The following FNBP4 variants were observed in gnomAD, a reference collection of about 807,000 sequenced individuals.
FNBP4 encodes formin binding protein 4.
A neutral mutation model predicts 119.3 loss-of-function variants in FNBP4; 34 were observed. That is an observed-to-expected ratio of 0.28 (90% CI 0.22 to 0.38). FNBP4 has a LOEUF of 0.38. FNBP4 is among the 10% of genes least tolerant of loss of function. FNBP4 has a pLI of 1.00. For missense variants in FNBP4, 1,112 were observed against 1,228.9 expected (o/e 0.90, Z 1.42); for synonymous variants, 462 against 430.6 (o/e 1.07, Z -0.90).
chr11:47,762,494 T>C (rs2097637739), intron 2 of FNBP4, among the ~76,000 whole-genome samples: 1 of 151,958 alleles, frequency 6.6e-6, no homozygotes, highest in Non-Finnish European at 1.5e-5. Flanking sequence ...AGTGGCATGA[T>C]CATATATAGC....
At chr11:47,743,354 G>A (rs78261087) in intron 8 of FNBP4, among the ~76,000 whole-genome samples, 2,986 of 152,122 alleles carry the variant, frequency 0.02, 37 homozygotes, top group African/African-American at 0.029. Flanking sequence ...GCGGTGGCAG[G>A]CACCTATAAT....
chr11:47,757,072 C>T (rs370691474), intron 2 of FNBP4, among the ~76,000 whole-genome samples: 16 of 152,182 alleles, frequency 1.1e-4, no homozygotes, highest in Non-Finnish European at 1.9e-4. Context: ...GTAATGGGAT[C>T]GCTGGGTCAA....
At chr11:47,761,674 T>C (rs1241120681) in intron 2 of FNBP4, among the ~76,000 whole-genome samples, 1 of 151,852 alleles carries the variant, frequency 6.6e-6, no homozygotes, top group Admixed American at 6.6e-5. Flanking sequence ...TCCTAGCATT[T>C]TGGGAGGCCA....
chr11:47,756,935 A>C (rs937399185), intron 2 of FNBP4, among the ~76,000 whole-genome samples: 3 of 152,196 alleles, frequency 2.0e-5, no homozygotes, highest in African/African-American at 7.2e-5. Context: ...TTCTTAATCC[A>C]GTCTATCATT....
At chr11:47,725,787 T>C (rs1455159589) in intron 12 of FNBP4, 1 of 983,390 alleles carries the variant, frequency 1.0e-6, no homozygotes. Flanking sequence ...TTTCACAATA[T>C]ATGGGACTAT....
chr11:47,758,864 A>G lies in FNBP4; in HGVS notation c.314-4200T>C, dbSNP rs114838122. 7.2e-3 allele frequency among the ~76,000 whole-genome samples: 1,093 copies of G among 151,756 alleles called. 13 individuals carry two copies. The highest frequency in any genetic ancestry group is 0.025 in the African/African-American group (1,052 of 41,408). Reference sequence around the variant, plus strand: ...CAGGGCGAGACTCCGTCTAAAAAAAAGCGGGGGGGAAAAGAGAGAGAAATT... The same window carrying G: ...CAGGGCGAGACTCCGTCTAAAAAAAGGCGGGGGGGAAAAGAGAGAGAAATT... On this transcript the variant is annotated intron_variant, in intron 2 of 16. Transcript: ENST00000263773.
intron 16 of FNBP4, among the ~76,000 whole-genome samples, chr11:47,718,713 T>C (rs2097552178): frequency 6.6e-6 from 1 of 152,178 alleles, no homozygotes; most frequent in East Asian, 1.9e-4. Flanking sequence ...TGATGAACAG[T>C]GAGTTGCAGT....
chr11:47,737,807 C>T (rs1037451190), intron 8 of FNBP4, among the ~76,000 whole-genome samples: 4 of 151,750 alleles, frequency 2.6e-5, no homozygotes, highest in Non-Finnish European at 2.9e-5. Flanking sequence ...AGTACAGTGG[C>T]GTGATCTTAG....
rs773461754 is a variant in FNBP4, at chr11:47,733,977, T to TAAAA, written c.1686+47_1686+48insTTTT. On this transcript the variant is annotated intron_variant, in intron 10 of 16. Coordinates refer to ENST00000263773, the MANE Select transcript of FNBP4 (RefSeq NM_015308.5). ...AATCGTTAACACATACAGCATTTCA[T>TAAAA]TCAAACACTTAACTGTTTATGCCAA... 3 of 964,428 alleles carry TAAAA rather than the reference T, an allele frequency of 3.1e-6. No homozygotes were observed. In the East Asian group the frequency reaches 7.8e-5, roughly 25 times the overall value. 59.7% of individuals were successfully genotyped at this position (964,428 alleles called of 1,614,324 possible).
At chr11:47,734,000 C>CA (rs79199646) in intron 10 of FNBP4, 25 bp downstream of exon 10, 249,502 of 887,626 alleles carry the variant, frequency 0.28, 21,001 homozygotes, top group African/African-American at 0.49. Flanking sequence ...CTGTTTATGC[C>CA]AAAAAAAAAA....
Position 47,732,140 on chromosome 11 carries a change from T to A in FNBP4, c.1820+397A>T. Reference sequence around the variant, plus strand: ...ACCTGCTGGCAGAGGATAGTAATCTTGTTCTTCATTCACATCTTCAGCCAC... The same window carrying A: ...ACCTGCTGGCAGAGGATAGTAATCTAGTTCTTCATTCACATCTTCAGCCAC... On this transcript the variant is annotated intron_variant, in intron 11 of 16. Coordinates refer to ENST00000263773, the MANE Select transcript of FNBP4 (RefSeq NM_015308.5). This position sits in a 1 kb window ranked among gnomAD's most constrained non-coding sequence, Gnocchi z 4.2. 1 of 1,007,540 alleles carries A rather than the reference T, an allele frequency of 9.9e-7. No individual in the cohort carries two copies. Among genetic ancestry groups the A allele is most frequent in the Non-Finnish European group, 1.2e-6 (1 of 844,478 alleles). 62.4% of individuals were successfully genotyped at this position (1,007,540 alleles called of 1,614,324 possible).
chr11:47,739,872 A>G (rs1228898381), intron 8 of FNBP4, among the ~76,000 whole-genome samples: 1 of 152,062 alleles, frequency 6.6e-6, no homozygotes, highest in Non-Finnish European at 1.5e-5. Context: ...TCCATCTCCC[A>G]GGTTCAAGCG....
chr11:47,723,954 G>T, intron 14 of FNBP4, 74 bp downstream of exon 14: 3 of 1,354,764 alleles, frequency 2.2e-6, no homozygotes, highest in Admixed American at 2.2e-5. Context: ...CATTTCTTTA[G>T]TTTTTATGGC....
At chr11:47,765,231 C>T (rs768623936) in intron 2 of FNBP4, 39 bp downstream of exon 2, 12 of 1,363,028 alleles carry the variant, frequency 8.8e-6, no homozygotes, top group East Asian at 4.6e-5. Context: ...TAATGAAAGA[C>T]GTGGGAGAAA....
intron 12 of FNBP4, chr11:47,729,542 C>G (rs1249627321): frequency 2.0e-6 from 2 of 981,588 alleles, no homozygotes; most frequent in Non-Finnish European, 2.4e-6. Context: ...GGGTCTTGTT[C>G]TCTGTCGCTC....
Position 47,732,630 on chromosome 11 carries a change from T to A in FNBP4, c.1727A>T (p.Asn576Ile), listed in dbSNP as rs1173942644. The A allele has an allele frequency of 6.2e-7, 1 of 1,614,068 alleles. No homozygotes were observed. Among genetic ancestry groups the A allele is most frequent in the Non-Finnish European group, 8.5e-7 (1 of 1,180,044 alleles). Residue 576 changes from asparagine to isoleucine, a missense_variant, in exon 11 of 17, where the codon AAC becomes ATC. By Grantham distance (149) the Asn-to-Ile change is moderately radical. This residue lies in a region of FNBP4 where 826 missense variants were observed against 988.8 expected (regional missense o/e 0.84). Transcript: ENST00000263773. This position sits in a 1 kb window ranked among gnomAD's most constrained non-coding sequence, Gnocchi z 4.2. Reference protein sequence around the residue: ...ADWREGALNGNYLKRKLQDAA... With the variant: ...ADWREGALNGIYLKRKLQDAA... ...ATCCTGAAGTTTTCGTTTAAGGTAG[T>A]TTCCATTAAGAGCCCCTTCCCGCCA...
At chr11:47,748,038 C>T (rs918298559) in intron 6 of FNBP4, among the ~76,000 whole-genome samples, 5 of 151,106 alleles carry the variant, frequency 3.3e-5, no homozygotes, top group African/African-American at 9.7e-5. Flanking sequence ...GTCAGGAGTT[C>T]GAGATCAGCC....
chr11:47,722,760 T>G (rs2097557256), intron 15 of FNBP4, among the ~76,000 whole-genome samples: 1 of 151,844 alleles, frequency 6.6e-6, no homozygotes, highest in Admixed American at 6.6e-5. Context: ...CCAGCTAATT[T>G]TTGTATTTTT....
At chr11:47,756,236 T>A (rs778908795) in intron 2 of FNBP4, among the ~76,000 whole-genome samples, 5 of 152,164 alleles carry the variant, frequency 3.3e-5, no homozygotes, top group Non-Finnish European at 5.9e-5. Context: ...ATTAACAATA[T>A]AATACATAGA....
Sources: allele counts gnomAD v4.1 joint callset (sites outside exome capture counted in the v4.1 genomes callset), GRCh38; gene constraint gnomAD v4.1.1; regional missense constraint gnomAD v4.1.1; non-coding constraint Gnocchi (gnomAD v3.1); transcripts MANE v1.5; gene names NCBI Gene and HGNC (gene_info 2026-07-23, HGNC 2026-07-21).